The following RAB31 variants were observed in gnomAD, a reference collection of about 807,000 sequenced individuals.
RAB31 encodes RAB31, member RAS oncogene family, also known as ras-related protein Rab-31.
In RAB31, 21 loss-of-function variants were observed where a neutral mutation model predicts 25.6. The ratio of observed to expected loss-of-function variants is 0.82; its 90% CI spans 0.58 to 1.18. The LOEUF (loss-of-function observed/expected upper bound fraction) is 1.18. RAB31 is among the 50% of genes most tolerant of loss of function. The probability of loss-of-function intolerance (pLI) is 0.00; values close to 1 mark genes in which losing one functional copy is unlikely to be tolerated. For synonymous variants in RAB31, 87 were observed against 84.0 expected (o/e 1.04, Z -0.20); for missense variants, 196 against 250.1 (o/e 0.78, Z 1.46).
At chr18:9,831,795 G>A (rs974296349) in intron 5 of RAB31, among the ~76,000 whole-genome samples, 4 of 152,188 alleles carry the variant, frequency 2.6e-5, no homozygotes, top group African/African-American at 4.8e-5. Context: ...CAGTTTTCTC[G>A]AACACGGGGT....
chr18:9,724,808 C>T (rs2068089785), intron 1 of RAB31, among the ~76,000 whole-genome samples: 1 of 152,220 alleles, frequency 6.6e-6, no homozygotes, highest in Non-Finnish European at 1.5e-5. Flanking sequence ...GAGTATAACT[C>T]ATGTGCCAGG....
At chr18:9,731,756 C>T (rs908371799) in intron 1 of RAB31, among the ~76,000 whole-genome samples, 6 of 151,910 alleles carry the variant, frequency 3.9e-5, no homozygotes, top group African/African-American at 1.5e-4. Context: ...GCACCACGCC[C>T]AGCTGATTTT....
At chr18:9,758,716 A>G (rs1024728186) in intron 1 of RAB31, among the ~76,000 whole-genome samples, 7 of 152,058 alleles carry the variant, frequency 4.6e-5, no homozygotes, top group Non-Finnish European at 5.9e-5. Flanking sequence ...TCCCTTCCCA[A>G]TGTCACACAA....
intron 3 of RAB31, among the ~76,000 whole-genome samples, chr18:9,806,822 G>A (rs1225549374): frequency 1.3e-5 from 2 of 152,240 alleles, no homozygotes; most frequent in East Asian, 3.8e-4. Context: ...TGTGTTAGTG[G>A]TGATCTTGAA....
chr18:9,741,979 A>G (rs1328876443), intron 1 of RAB31, among the ~76,000 whole-genome samples: 1 of 152,178 alleles, frequency 6.6e-6, no homozygotes, highest in Non-Finnish European at 1.5e-5. Flanking sequence ...CTGTGGTGTC[A>G]TAGGGCTGCT....
chr18:9,763,110 A>G (rs1042348861), intron 1 of RAB31, among the ~76,000 whole-genome samples: 2 of 152,154 alleles, frequency 1.3e-5, no homozygotes. Flanking sequence ...TTTAGGGTGG[A>G]TGATGTCCCG....
chr18:9,719,204 A>C (rs2068058970), intron 1 of RAB31, among the ~76,000 whole-genome samples: 2 of 131,126 alleles, frequency 1.5e-5, no homozygotes, highest in African/African-American at 5.9e-5. Context: ...TAGGAGGTGG[A>C]GGTTGCAGGG....
intron 1 of RAB31, among the ~76,000 whole-genome samples, chr18:9,741,032 T>G (rs958217065): frequency 6.6e-6 from 1 of 152,034 alleles, no homozygotes; most frequent in African/African-American, 2.4e-5. Flanking sequence ...AGGGGCTGCA[T>G]TGAGGCTGGT....
chr18:9,755,053 G>A (rs1296812949), intron 1 of RAB31, among the ~76,000 whole-genome samples: 1 of 152,068 alleles, frequency 6.6e-6, no homozygotes, highest in African/African-American at 2.4e-5. Flanking sequence ...TTCCCAGCCT[G>A]TTTTCCCAAC....
At chr18:9,714,435 G>A (rs536740914) in intron 1 of RAB31, among the ~76,000 whole-genome samples, 159 of 152,310 alleles carry the variant, frequency 1.0e-3, no homozygotes, top group African/African-American at 3.6e-3. Flanking sequence ...GAGCTCAGCT[G>A]GTAATGCTCA....
chr18:9,767,265 T>G (rs1050534850), intron 1 of RAB31, among the ~76,000 whole-genome samples: 2 of 152,250 alleles, frequency 1.3e-5, no homozygotes, highest in Non-Finnish European at 2.9e-5. Flanking sequence ...ATAATTTTTG[T>G]GCTTAGTTTT....
At chr18:9,815,039 C>A in intron 4 of RAB31, 77 bp from the exon 5 acceptor site, 1 of 1,056,278 alleles carries the variant, frequency 9.5e-7, no homozygotes, top group African/African-American at 1.6e-5. Context: ...TTAAATTGTA[C>A]TGGGCTTGTA....
chr18:9,780,171 G>A (rs1224251379), intron 2 of RAB31, among the ~76,000 whole-genome samples: 2 of 131,514 alleles, frequency 1.5e-5, no homozygotes, highest in Non-Finnish European at 3.1e-5. Flanking sequence ...GTGAAATACT[G>A]TTCCAAAAAA....
At chr18:9,831,743 T>C (rs1174221435) in intron 5 of RAB31, among the ~76,000 whole-genome samples, 1 of 152,204 alleles carries the variant, frequency 6.6e-6, no homozygotes, top group Admixed American at 6.5e-5. Context: ...AGGCATTGCA[T>C]AAGTAATGTC....
intron 1 of RAB31, among the ~76,000 whole-genome samples, chr18:9,774,320 G>C (rs971555797): frequency 3.3e-5 from 5 of 152,102 alleles, no homozygotes; most frequent in Non-Finnish European, 7.4e-5. Context: ...AGCTCCGTCC[G>C]ATGCAGGCTT....
At chr18:9,739,539 T>C (rs1469542863) in intron 1 of RAB31, among the ~76,000 whole-genome samples, 2 of 58,880 alleles carry the variant, frequency 3.4e-5, no homozygotes, top group African/African-American at 8.1e-5. Flanking sequence ...GAAGATGTAA[T>C]GTGCTAAAAA....
intron 1 of RAB31, among the ~76,000 whole-genome samples, chr18:9,731,684 G>C (rs2068123719): frequency 7.1e-6 from 1 of 141,492 alleles, no homozygotes; most frequent in Non-Finnish European, 1.5e-5. Context: ...TGCAGCCTCT[G>C]CCTTCCGGGT....
Position 9,859,549 on chromosome 18 carries a change from G to T in RAB31, c.*224G>T. On this transcript the variant is annotated 3_prime_UTR_variant, in exon 7 of 7. Coordinates refer to ENST00000578921, the MANE Select transcript of RAB31 (RefSeq NM_006868.4). The stretch of plus-strand genomic sequence containing the variant: ...ACACCACCACAAAATGGCCTTTAGT[G>T]TATGAAATGCACATGGAGGGGATGT... 1.1e-5 allele frequency: 4 copies of T among 374,576 alleles called. No homozygotes were observed. The highest frequency in any genetic ancestry group is 4.8e-6 in the Non-Finnish European group (1 of 210,166). 23.2% of individuals were successfully genotyped at this position (374,576 alleles called of 1,614,324 possible). A position where few individuals can be genotyped will look rare whatever the true frequency, so the allele number is the denominator to read the frequency against.
intron 1 of RAB31, among the ~76,000 whole-genome samples, chr18:9,773,804 C>T (rs908071034): frequency 6.6e-6 from 1 of 152,008 alleles, no homozygotes; most frequent in Non-Finnish European, 1.5e-5. Flanking sequence ...GACTACAGGC[C>T]CATGTCGCCA....
Sources: allele counts gnomAD v4.1 joint callset (sites outside exome capture counted in the v4.1 genomes callset), GRCh38; gene constraint gnomAD v4.1.1; transcripts MANE v1.5; gene names NCBI Gene and HGNC (gene_info 2026-07-23, HGNC 2026-07-21).